ADAM10: variants seen among roughly 807,000 people sequenced by gnomAD.
ADAM10 encodes the protein disintegrin and metalloproteinase domain-containing protein 10.
ADAM10 carries 17 observed loss-of-function variants against 90.1 expected under a neutral mutation model. The ratio of observed to expected loss-of-function variants is 0.19; its 90% CI spans 0.13 to 0.28. ADAM10 has a LOEUF of 0.28. Among genes scored for constraint, ADAM10 ranks in the 10% least tolerant of loss-of-function variants. The pLI is 1.00. For missense variants in ADAM10, 610 were observed against 914.3 expected (o/e 0.67, Z 4.29); for synonymous variants, 310 against 298.6 (o/e 1.04, Z -0.40).
intron 1 of ADAM10, among the ~76,000 whole-genome samples, chr15:58,742,102 T>G (rs1899633760): frequency 1.3e-5 from 2 of 152,300 alleles, no homozygotes; most frequent in Admixed American, 6.5e-5. Flanking sequence ...TCCAACAAAC[T>G]CAGTATTTTT....
At position 58,588,977 on chromosome 15, in the gene ADAM10, A is replaced by T. The variant is rs1894770299; in HGVS notation, c.*8570T>A. 6.6e-6 allele frequency: 1 copy of T among 152,234 alleles called. No homozygotes were observed. The highest frequency in any genetic ancestry group is 6.5e-5 in the Admixed American group (1 of 15,282). 9.4% of individuals were successfully genotyped at this position (152,234 alleles called of 1,614,324 possible). The stretch of plus-strand genomic sequence containing the variant: ...TACAGTGCATATTAGATTTTGAAAG[A>T]AAATTTATCTCCAGGTATGACGGAA... On this transcript the variant is annotated 3_prime_UTR_variant, in exon 16 of 16. Transcript: ENST00000260408.
At chr15:58,627,580 CAA>C in intron 10 of ADAM10, 118 bp downstream of exon 10, 1 of 819,068 alleles carries the variant, frequency 1.2e-6, no homozygotes. Flanking sequence ...GGGAATACAG[CAA>C]AGTGTTAGCA....
At chr15:58,747,552 G>A (rs1438450175) in intron 1 of ADAM10, 1 of 152,094 alleles carries the variant, frequency 6.6e-6, no homozygotes, top group Non-Finnish European at 1.5e-5. Context: ...CAGATTAGTA[G>A]ATAAAAATAC....
intron 1 of ADAM10, among the ~76,000 whole-genome samples, chr15:58,728,278 T>G (rs1350939442): frequency 6.6e-6 from 1 of 152,224 alleles, no homozygotes; most frequent in Non-Finnish European, 1.5e-5. Flanking sequence ...TTGAGTTGAC[T>G]GCAAATAGCC....
intron 14 of ADAM10, among the ~76,000 whole-genome samples, chr15:58,602,407 C>A (rs949602398): frequency 6.6e-6 from 1 of 152,070 alleles, no homozygotes; most frequent in Non-Finnish European, 1.5e-5. Context: ...TCTCACCCTG[C>A]TTGGGCTCTG....
At chr15:58,633,392 A>G (rs768291533) in intron 8 of ADAM10, 33 bp from the exon 9 acceptor site, 1 of 1,592,808 alleles carries the variant, frequency 6.3e-7, no homozygotes, top group Non-Finnish European at 8.6e-7. Flanking sequence ...CTAAATTAGT[A>G]TCTGTTTCCC....
At chr15:58,635,873 A>C (rs1226435951) in intron 8 of ADAM10, among the ~76,000 whole-genome samples, 4 of 152,232 alleles carry the variant, frequency 2.6e-5, no homozygotes, top group Non-Finnish European at 5.9e-5. Flanking sequence ...TGGCTAATTT[A>C]AGAGAAGAGT....
intron 2 of ADAM10, among the ~76,000 whole-genome samples, chr15:58,705,937 A>T (rs1898274221): frequency 6.6e-6 from 1 of 152,144 alleles, no homozygotes; most frequent in Non-Finnish European, 1.5e-5. Flanking sequence ...TTGTAAACTG[A>T]CCTTTATCAT....
chr15:58,661,729 TA>T (rs1296722425), intron 5 of ADAM10, among the ~76,000 whole-genome samples: 2 of 152,208 alleles, frequency 1.3e-5, no homozygotes, highest in African/African-American at 2.4e-5. Context: ...AATTTTTAAA[TA>T]TTTTTTTCTG....
At chr15:58,607,012 A>G (rs1452861025) in intron 14 of ADAM10, among the ~76,000 whole-genome samples, 2 of 152,238 alleles carry the variant, frequency 1.3e-5, no homozygotes, top group East Asian at 3.8e-4. Flanking sequence ...TCAATACTGA[A>G]ATTTGAATTT....
chr15:58,628,639 C>T (rs1896017712), intron 9 of ADAM10, among the ~76,000 whole-genome samples: 1 of 152,184 alleles, frequency 6.6e-6, no homozygotes, highest in South Asian at 2.1e-4. Flanking sequence ...ACTACCAGAT[C>T]CCAGCAGCCC....
At chr15:58,729,464 C>A (rs1899151264) in intron 1 of ADAM10, among the ~76,000 whole-genome samples, 1 of 152,212 alleles carries the variant, frequency 6.6e-6, no homozygotes, top group Non-Finnish European at 1.5e-5. Flanking sequence ...CCCAGCAGAT[C>A]TACTGACCCC....
chr15:58,650,879 T>C (rs1393392662), intron 5 of ADAM10, among the ~76,000 whole-genome samples: 2 of 152,152 alleles, frequency 1.3e-5, no homozygotes, highest in East Asian at 1.9e-4. Flanking sequence ...ATTAATTTTA[T>C]ACATTGTGAA....
chr15:58,721,615 T>G (rs1452885435), intron 1 of ADAM10, among the ~76,000 whole-genome samples: 3 of 152,110 alleles, frequency 2.0e-5, no homozygotes, highest in Non-Finnish European at 4.4e-5. Flanking sequence ...TCAGATGCAG[T>G]AGCTCACACC....
intron 2 of ADAM10, chr15:58,691,354 C>G: frequency 1.0e-6 from 1 of 984,894 alleles, no homozygotes; most frequent in Non-Finnish European, 1.6e-6. Flanking sequence ...TCAATGGGCT[C>G]ACTCATATAT....
chr15:58,704,836 G>GT (rs1202260160), intron 2 of ADAM10, among the ~76,000 whole-genome samples: 1 of 152,142 alleles, frequency 6.6e-6, no homozygotes, highest in Non-Finnish European at 1.5e-5. Context: ...ACTCAAGGTC[G>GT]TAAGACTAAA....
At chr15:58,646,599 T>C (rs1486542527) in intron 5 of ADAM10, among the ~76,000 whole-genome samples, 2 of 152,218 alleles carry the variant, frequency 1.3e-5, no homozygotes, top group Non-Finnish European at 2.9e-5. Context: ...TCCACCACTC[T>C]AGCCCAAGCT....
intron 11 of ADAM10, among the ~76,000 whole-genome samples, chr15:58,615,078 T>C (rs182765071): frequency 9.2e-5 from 14 of 151,992 alleles, no homozygotes; most frequent in African/African-American, 2.4e-5. Flanking sequence ...ATCGAAACCA[T>C]CCTGGCTAAC....
chr15:58,627,992 C>T (rs1283400980), intron 9 of ADAM10, 109 bp from the exon 10 acceptor site: 4 of 1,110,978 alleles, frequency 3.6e-6, no homozygotes, highest in Non-Finnish European at 5.2e-6. Context: ...CTTGTGGACT[C>T]TCCTTTAAAA....
Sources: gnomAD v4.1 joint callset for allele counts (sites outside exome capture counted in the v4.1 genomes callset) on GRCh38, gnomAD v4.1.1 for gene constraint, MANE v1.5 for transcripts, NCBI Gene and HGNC (gene_info 2026-07-23, HGNC 2026-07-21) for gene names.